Variants in LRRIQ1 observed in about 807,000 individuals in gnomAD.
LRRIQ1 encodes the protein leucine-rich repeat- and IQ domain-containing protein 1.
A neutral mutation model predicts 211.9 loss-of-function variants in LRRIQ1; 210 were observed. The ratio of observed to expected loss-of-function variants is 0.99; its 90% CI spans 0.89 to 1.11. The LOEUF (loss-of-function observed/expected upper bound fraction) is 1.11. LRRIQ1 is among the 50% of genes most tolerant of loss of function. LRRIQ1 has a pLI of 0.00. For synonymous variants in LRRIQ1, 699 were observed against 650.1 expected (o/e 1.08, Z -1.14); for missense variants, 2,136 against 1,939.5 (o/e 1.10, Z -1.90).
At chr12:85,209,911 TG>T (rs775417065) in intron 24 of LRRIQ1, among the ~76,000 whole-genome samples, 19 of 152,122 alleles carry the variant, frequency 1.2e-4, no homozygotes, top group Non-Finnish European at 2.4e-4. Context: ...CCAAAGCCCA[TG>T]GTATTTCCAC....
intron 13 of LRRIQ1, among the ~76,000 whole-genome samples, chr12:85,100,778 G>T (rs1886291368): frequency 6.6e-6 from 1 of 151,686 alleles, no homozygotes; most frequent in Admixed American, 6.6e-5. Flanking sequence ...GATAGCAAAG[G>T]ACATATGGAA....
intron 24 of LRRIQ1, among the ~76,000 whole-genome samples, chr12:85,191,560 A>G (rs552309770): frequency 6.1e-4 from 93 of 152,184 alleles, no homozygotes; most frequent in Middle Eastern, 3.4e-3. Context: ...TTATGTAACC[A>G]TCCACCTACT....
chr12:85,245,646 A>G (rs187251858), downstream of LRRIQ1, among the ~76,000 whole-genome samples: 903 of 151,038 alleles, frequency 6.0e-3, 13 homozygotes, highest in African/African-American at 0.021. Flanking sequence ...TTTCACGGGA[A>G]TCAAGAGCGA....
chr12:85,250,451 A>G (rs921861636), intron 1 of LRRIQ1, among the ~76,000 whole-genome samples: 6 of 151,850 alleles, frequency 4.0e-5, no homozygotes, highest in Middle Eastern at 3.4e-3. Flanking sequence ...ATTCAAAAAT[A>G]TTTATGAGCC....
chr12:85,142,175 A>C (rs1889588913), intron 19 of LRRIQ1, among the ~76,000 whole-genome samples: 1 of 151,438 alleles, frequency 6.6e-6, no homozygotes, highest in Non-Finnish European at 1.5e-5. Flanking sequence ...TTAAGTCTTA[A>C]CTTTTCTTCT....
intron 24 of LRRIQ1, among the ~76,000 whole-genome samples, chr12:85,198,061 TAA>T (rs1893071090): frequency 5.5e-5 from 3 of 54,260 alleles, no homozygotes; most frequent in African/African-American, 1.9e-4. Context: ...TAATTATATA[TAA>T]CATATTATTT....
intron 15 of LRRIQ1, among the ~76,000 whole-genome samples, chr12:85,114,292 T>C (rs1887410269): frequency 6.6e-6 from 1 of 152,024 alleles, no homozygotes. Context: ...AGATGACAAA[T>C]AAAAAATACT....
chr12:85,118,913 A>G (rs973618959), intron 15 of LRRIQ1, among the ~76,000 whole-genome samples: 1 of 152,092 alleles, frequency 6.6e-6, no homozygotes, highest in African/African-American at 2.4e-5. Flanking sequence ...CAGAAAGTAC[A>G]GAGTTCCCAC....
intron 23 of LRRIQ1, among the ~76,000 whole-genome samples, chr12:85,159,752 G>GT (rs1890762311): frequency 1.1e-5 from 1 of 88,940 alleles, no homozygotes; most frequent in Non-Finnish European, 2.5e-5. Context: ...TCTTTGACAT[G>GT]TCATTTTTTT....
intron 24 of LRRIQ1, among the ~76,000 whole-genome samples, chr12:85,172,940 C>T (rs1221147770): frequency 8.6e-5 from 13 of 151,596 alleles, no homozygotes; most frequent in African/African-American, 3.2e-4. Flanking sequence ...AACCCCATCT[C>T]TACTAAAAAT....
In LRRIQ1 at chr12:85,199,014, C is replaced by T. The variant is rs577854164; in HGVS notation, c.4823-30503C>T. On this transcript the variant is annotated intron_variant, in intron 24 of 26. Coordinates refer to ENST00000393217, the MANE Select transcript of LRRIQ1 (RefSeq NM_001079910.2). ...TCCTTATAGGTTCTGGATATTAGAG[C>T]TTTGTTGGAGGCACAGTTGGCAAGT... Among the ~76,000 whole-genome samples, 44 of 152,168 alleles carry T rather than the reference C, an allele frequency of 2.9e-4. No homozygotes were observed. In the Middle Eastern group the frequency reaches 0.014, roughly 47 times the overall value.
At chr12:85,120,926 T>G (rs931690139) in intron 15 of LRRIQ1, among the ~76,000 whole-genome samples, 1 of 151,500 alleles carries the variant, frequency 6.6e-6, no homozygotes, top group African/African-American at 2.4e-5. Context: ...CAGCATTAGT[T>G]TTTGTTTTTT....
At chr12:85,105,351 C>T (rs1157013582) in intron 14 of LRRIQ1, among the ~76,000 whole-genome samples, 1 of 152,054 alleles carries the variant, frequency 6.6e-6, no homozygotes, top group East Asian at 1.9e-4. Context: ...TGATCCCTCT[C>T]AAATTAATTT....
At chr12:85,086,191 CA>C (rs1463517179) in intron 11 of LRRIQ1, among the ~76,000 whole-genome samples, 1 of 152,096 alleles carries the variant, frequency 6.6e-6, no homozygotes, top group Admixed American at 6.5e-5. Context: ...ATAAGTGACG[CA>C]GAGCATTTTT....
the LRRIQ1 span, among the ~76,000 whole-genome samples, chr12:85,272,657 T>C: frequency 6.6e-6 from 1 of 152,178 alleles, no homozygotes; most frequent in Non-Finnish European, 1.5e-5. Flanking sequence ...TTGCTTATTA[T>C]ATTTGAACTG....
chr12:85,199,657 TG>T (rs528741175), intron 24 of LRRIQ1, among the ~76,000 whole-genome samples: 141 of 152,220 alleles, frequency 9.3e-4, no homozygotes, highest in African/African-American at 3.2e-3. Context: ...CTTATAATCA[TG>T]GTAGAAGGCA....
At chr12:85,069,777 G>C (rs1183574482) in intron 10 of LRRIQ1, among the ~76,000 whole-genome samples, 1 of 152,022 alleles carries the variant, frequency 6.6e-6, no homozygotes, top group East Asian at 1.9e-4. Context: ...CCTACTTTTT[G>C]ATGGGGTTGT....
intron 1 of LRRIQ1, among the ~76,000 whole-genome samples, chr12:85,253,167 A>AT (rs534534687): frequency 1.3e-3 from 193 of 152,194 alleles, no homozygotes; most frequent in Non-Finnish European, 1.1e-3. Context: ...AAGTTGGAGA[A>AT]CCTGCGTCTG....
chr12:85,185,760 AT>A (rs2136909630), intron 24 of LRRIQ1, among the ~76,000 whole-genome samples: 1 of 152,098 alleles, frequency 6.6e-6, no homozygotes, highest in East Asian at 1.9e-4. Context: ...TTCCACATAC[AT>A]TTTATTTTTG....
Sources: gnomAD v4.1 joint callset for allele counts (sites outside exome capture counted in the v4.1 genomes callset) on GRCh38, gnomAD v4.1.1 for gene constraint, MANE v1.5 for transcripts, NCBI Gene and HGNC (gene_info 2026-07-23, HGNC 2026-07-21) for gene names.